The following LRRC7 variants were observed in gnomAD, a reference collection of about 807,000 sequenced individuals.
LRRC7 encodes the protein leucine-rich repeat-containing protein 7.
In LRRC7, 23 loss-of-function variants were observed where a neutral mutation model predicts 175.7. The ratio of observed to expected loss-of-function variants is 0.13; its 90% CI spans 0.09 to 0.19. LRRC7 has a LOEUF of 0.19. LRRC7 is among the 10% of genes least tolerant of loss of function. The probability of loss-of-function intolerance (pLI) is 1.00; values close to 1 mark genes in which losing one functional copy is unlikely to be tolerated. For synonymous variants in LRRC7, 685 were observed against 680.9 expected, an observed-to-expected ratio of 1.01 and a Z score of -0.09; for missense variants, 1,354 against 1,904.7, an observed-to-expected ratio of 0.71 and a Z score of 5.38.
At chr1:70,046,073 T>A (rs953048520) in intron 22 of LRRC7, among the ~76,000 whole-genome samples, 1 of 152,128 alleles carries the variant, frequency 6.6e-6, no homozygotes, top group African/African-American at 2.4e-5. Flanking sequence ...CTTGGCATGA[T>A]GGAAGCTATT....
intron 3 of LRRC7, among the ~76,000 whole-genome samples, chr1:69,773,099 G>C (rs1672423987): frequency 6.6e-6 from 1 of 152,144 alleles, no homozygotes; most frequent in Admixed American, 6.6e-5. Context: ...AGCTAGAAAA[G>C]TGTATGAGGT....
intron 22 of LRRC7, among the ~76,000 whole-genome samples, chr1:70,045,834 G>C (rs893027339): frequency 5.3e-5 from 8 of 152,032 alleles, no homozygotes; most frequent in African/African-American, 1.4e-4. Flanking sequence ...TTGTGCAGGG[G>C]AACTCCCATT....
intron 9 of LRRC7, among the ~76,000 whole-genome samples, chr1:69,984,626 C>G (rs546499417): frequency 5.9e-4 from 90 of 152,306 alleles, no homozygotes; most frequent in South Asian, 2.7e-3. Flanking sequence ...ATCCTTCCCT[C>G]TCCTCAGAAA....
intron 2 of LRRC7, among the ~76,000 whole-genome samples, chr1:69,725,584 G>A (rs1391565898): frequency 6.6e-6 from 1 of 152,222 alleles, no homozygotes; most frequent in Non-Finnish European, 1.5e-5. Context: ...TTCAGATTCT[G>A]TATAGGTACG....
chr1:69,620,310 A>G (rs1193845048), intron 1 of LRRC7, among the ~76,000 whole-genome samples: 2 of 152,140 alleles, frequency 1.3e-5, no homozygotes, highest in Non-Finnish European at 2.9e-5. Flanking sequence ...TAAATATATT[A>G]GATATAATCC....
chr1:69,577,471 T>C (rs891753239), intron 1 of LRRC7, among the ~76,000 whole-genome samples: 2 of 152,198 alleles, frequency 1.3e-5, no homozygotes, highest in African/African-American at 4.8e-5. Flanking sequence ...ATGTCCTGAA[T>C]GGTATTGCCT....
chr1:69,694,940 A>G lies in LRRC7; in HGVS notation c.100+16462A>G, dbSNP rs28702986. Among the ~76,000 whole-genome samples, 793 of 152,304 alleles carry G rather than the reference A, an allele frequency of 5.2e-3. 5 individuals are homozygous for G. The highest frequency in any genetic ancestry group is 0.016 in the African/African-American group (685 of 41,578). On this transcript the variant is annotated intron_variant, in intron 2 of 26. Transcript: ENST00000651989. ...TCAGCCTCGGGTATTCCTTTATAGC[A>G]ACACAAATGGACTAAAACAGAAAAC... is the stretch of plus-strand genomic sequence containing the variant.
Position 69,731,396 on chromosome 1 carries a change from C to T in LRRC7, c.101-28795C>T, listed in dbSNP as rs533946924. Among the ~76,000 whole-genome samples, 9 of 152,242 alleles carry T rather than the reference C, an allele frequency of 5.9e-5. No individual in the cohort carries two copies. In the East Asian group the frequency reaches 1.7e-3, roughly 29 times the overall value. ...GATTCAATTACCTCCCACCAGGTTC[C>T]TCCCACAATATGTGGGGATTATGGG... On this transcript the variant is annotated intron_variant, in intron 2 of 26. Transcript: ENST00000651989.
At chr1:69,998,747 G>A (rs1655253713) in intron 11 of LRRC7, among the ~76,000 whole-genome samples, 1 of 152,182 alleles carries the variant, frequency 6.6e-6, no homozygotes, top group Non-Finnish European at 1.5e-5. Context: ...AATAGACAAG[G>A]AAAGGTAGCT....
intron 1 of LRRC7, among the ~76,000 whole-genome samples, chr1:69,627,113 G>T (rs1180350578): frequency 1.3e-5 from 2 of 152,074 alleles, no homozygotes; most frequent in Non-Finnish European, 2.9e-5. Flanking sequence ...TGGGTCAAAT[G>T]GTATTCCTAG....
chr1:69,818,917 A>G (rs1405762562), intron 4 of LRRC7, among the ~76,000 whole-genome samples: 1 of 152,034 alleles, frequency 6.6e-6, no homozygotes, highest in Non-Finnish European at 1.5e-5. Flanking sequence ...TGATTTGTAT[A>G]TCTGTAGTAA....
At chr1:69,680,852 T>C (rs1261662054) in intron 2 of LRRC7, among the ~76,000 whole-genome samples, 1 of 152,072 alleles carries the variant, frequency 6.6e-6, no homozygotes, top group Non-Finnish European at 1.5e-5. Flanking sequence ...TGCTAGAGCC[T>C]ACTTAATAGA....
intron 2 of LRRC7, among the ~76,000 whole-genome samples, chr1:69,691,420 C>G (rs1333975178): frequency 2.6e-5 from 4 of 152,094 alleles, no homozygotes; most frequent in African/African-American, 9.7e-5. Flanking sequence ...ATTTATCTGT[C>G]TGTCACTAAC....
At chr1:69,861,423 C>T (rs1331415401) in intron 7 of LRRC7, among the ~76,000 whole-genome samples, 1 of 152,110 alleles carries the variant, frequency 6.6e-6, no homozygotes, top group African/African-American at 2.4e-5. Flanking sequence ...AAAAATATTG[C>T]AGTGGTGACA....
chr1:69,720,519 G>A (rs34491711), intron 2 of LRRC7, among the ~76,000 whole-genome samples: 10,675 of 151,502 alleles, frequency 0.07, 472 homozygotes, highest in East Asian at 0.14. Context: ...CTTTTCCATT[G>A]TCATTCATTT....
intron 5 of LRRC7, among the ~76,000 whole-genome samples, 182 bp from the exon 6 acceptor site, chr1:69,834,598 A>G (rs1184785570): frequency 1.3e-5 from 2 of 152,136 alleles, no homozygotes; most frequent in African/African-American, 4.8e-5. Context: ...ATTTACTTTA[A>G]TAACAGGCAA....
At chr1:69,995,312 A>G (rs560778019) in intron 11 of LRRC7, among the ~76,000 whole-genome samples, 1 of 152,270 alleles carries the variant, frequency 6.6e-6, no homozygotes, top group South Asian at 2.1e-4. Flanking sequence ...AAATCAGTAG[A>G]GGCTGTCTTC....
rs1463048705 is a variant in LRRC7, at chr1:69,717,826, GAA to G, written c.100+39350_100+39351del. The stretch of plus-strand genomic sequence containing the variant: ...AGAAAGAAAGAAAGAAAGAAAGAAA[GAA>G]AGAAAGAAAGAAAAAAGAAAGAAAG... On this transcript the variant is annotated intron_variant, in intron 2 of 26. Transcript: ENST00000651989. Among the ~76,000 whole-genome samples the G allele has an allele frequency of 6.6e-3, 166 of 25,296 alleles. 11 individuals carry two copies. The highest frequency in any genetic ancestry group is 9.2e-3 in the Admixed American group (20 of 2,170). The allele number at this position is 25,296 out of a possible 152,430, so 16.6% of individuals were successfully genotyped here.
intron 1 of LRRC7, among the ~76,000 whole-genome samples, chr1:69,611,470 C>T (rs751355529): frequency 1.3e-5 from 2 of 151,980 alleles, no homozygotes; most frequent in Non-Finnish European, 2.9e-5. Context: ...AGTCATTGCT[C>T]TTAGAGGAAA....
Sources: gnomAD v4.1 joint callset for allele counts (sites outside exome capture counted in the v4.1 genomes callset) on GRCh38, gnomAD v4.1.1 for gene constraint, MANE v1.5 for transcripts, NCBI Gene and HGNC (gene_info 2026-07-23, HGNC 2026-07-21) for gene names.